FHIP2A: variants seen among roughly 807,000 people sequenced by gnomAD.
FHIP2A encodes the protein family with sequence similarity 160 member B1.
Under a neutral mutation model 93.5 loss-of-function variants are expected in FHIP2A, and 46 were observed. The ratio of observed to expected loss-of-function variants is 0.49; its 90% confidence interval spans 0.39 to 0.63. FHIP2A has a LOEUF of 0.63. Among genes scored for constraint, FHIP2A ranks in the 20% least tolerant of loss-of-function variants. The pLI is 0.00. For missense variants in FHIP2A, 769 were observed against 909.7 expected, an observed-to-expected ratio of 0.85 and a Z score of 1.99; for synonymous variants, 332 against 326.5, an observed-to-expected ratio of 1.02 and a Z score of -0.18.
chr10:114,898,583 G>A (rs983381927), intron 16 of FHIP2A, among the ~76,000 whole-genome samples: 9 of 152,060 alleles, frequency 5.9e-5, no homozygotes, highest in East Asian at 1.9e-4. Context: ...CACTCTCCCC[G>A]ACTCTTAGGT....
At chr10:114,848,804 C>G in intron 13 of FHIP2A, 67 bp downstream of exon 13, 1 of 971,366 alleles carries the variant, frequency 1.0e-6, no homozygotes, top group Non-Finnish European at 1.6e-6. Context: ...CCTTGTCACA[C>G]TGCCCACCAC....
chr10:114,881,811 C>T (rs976240245), intron 16 of FHIP2A, among the ~76,000 whole-genome samples: 2 of 152,188 alleles, frequency 1.3e-5, no homozygotes, highest in Admixed American at 6.5e-5. Context: ...ACTCGCTCTC[C>T]CTACCCTCAA....
Position 114,830,859 on chromosome 10 carries a change from C to G in FHIP2A, c.53C>G (p.Pro18Arg), listed in dbSNP as rs1457635555. Residue 18 changes from proline to arginine, a missense_variant, in exon 2 of 17, where the codon CCT becomes CGT. Transcript: ENST00000369248. The stretch of plus-strand genomic sequence containing the variant: ...GGTCTTTTGTTTGTGTAGCTTGCAC[C>G]TTCTCTTCCTTTACAAGAAGATTTT... ...ILQHAVEALA[P>R]SLPLQEDFVY... 1 of 1,605,998 alleles carries G rather than the reference C, an allele frequency of 6.2e-7. No individual in the cohort carries two copies. The highest frequency in any genetic ancestry group is 2.2e-5 in the East Asian group (1 of 44,610).
chr10:114,864,741 T>C (rs558705272), downstream of FHIP2A: 80 of 963,674 alleles, frequency 8.3e-5, no homozygotes, highest in African/African-American at 1.3e-3. Context: ...TGTAAAATTC[T>C]AATTGGGAAC....
rs576621279 is a variant in FHIP2A at position 114,863,164 on chromosome 10, A to G, written c.*1624A>G. 4 of 978,034 alleles carry G rather than the reference A, an allele frequency of 4.1e-6. No homozygotes were observed. The African/African-American group carries it at 5.3e-5, about 13-fold the overall frequency. 60.6% of individuals were successfully genotyped at this position (978,034 alleles called of 1,614,324 possible). A position where few individuals can be genotyped will look rare whatever the true frequency, so the allele number is the denominator to read the frequency against. On this transcript the variant is annotated 3_prime_UTR_variant, in exon 17 of 17. Transcript: ENST00000369248. ...TCTAAGAAATTTATTAAGTAAAACA[A>G]AGAAAAAACAGAAGTGGGAGATAGT... is the stretch of plus-strand genomic sequence containing the variant.
Position 114,863,923 on chromosome 10 carries a change from T to C in FHIP2A, c.*2383T>C. 21 of 1,072,398 alleles carry C rather than the reference T, an allele frequency of 2.0e-5. No homozygotes were observed. The highest frequency in any genetic ancestry group is 2.4e-5 in the Non-Finnish European group (21 of 881,258). 66.4% of individuals were successfully genotyped at this position (1,072,398 alleles called of 1,614,324 possible). A position where few individuals can be genotyped will look rare whatever the true frequency, so the allele number is the denominator to read the frequency against. On this transcript the variant is annotated 3_prime_UTR_variant, in exon 17 of 17. Coordinates refer to ENST00000369248, the MANE Select transcript of FHIP2A (RefSeq NM_020940.4). Reference sequence around the variant, plus strand: ...TTAAAACTTTCTAACAATATAGTCTTTGGATTTGTTTTTAGTTATGAGCCG... The same window carrying C: ...TTAAAACTTTCTAACAATATAGTCTCTGGATTTGTTTTTAGTTATGAGCCG...
intron 14 of FHIP2A, among the ~76,000 whole-genome samples, chr10:114,856,325 C>A (rs568363467): frequency 2.0e-5 from 3 of 151,558 alleles, no homozygotes; most frequent in Admixed American, 2.0e-4. Flanking sequence ...TAATAGCATT[C>A]GCTGTATTTC....
intron 16 of FHIP2A, among the ~76,000 whole-genome samples, chr10:114,880,626 G>C (rs1592032681): frequency 6.6e-6 from 1 of 151,596 alleles, no homozygotes; most frequent in East Asian, 1.9e-4. Flanking sequence ...GTTGCAGTGA[G>C]CCGAGATCAC....
At chr10:114,884,196 A>C (rs924215165) in intron 16 of FHIP2A, among the ~76,000 whole-genome samples, 2 of 152,166 alleles carry the variant, frequency 1.3e-5, no homozygotes, top group African/African-American at 4.8e-5. Context: ...GAGGAGAATG[A>C]GGGAGATGGG....
chr10:114,875,904 A>AAGTAAG (rs2083885423), intron 16 of FHIP2A, among the ~76,000 whole-genome samples: 2 of 99,154 alleles, frequency 2.0e-5, no homozygotes, highest in African/African-American at 6.1e-5. Context: ...GAAAGAAATA[A>AAGTAAG]AGAAAGAGAA....
chr10:114,846,176 T>G lies in FHIP2A; in HGVS notation c.1207T>G (p.Ser403Ala). ...GVMEPQLMQT[S>A]EMGILTSTAL... Reference sequence around the variant, plus strand: ...TGACTACCTGTTCATTGTGCTCAGTTCTGAGATGGGTATTCTCACATCCAC... The same window carrying G: ...TGACTACCTGTTCATTGTGCTCAGTGCTGAGATGGGTATTCTCACATCCAC... The change falls in exon 10 of 17, where the codon TCT (serine) becomes GCT (alanine). Residue 403 changes from serine (S) to alanine (A), a missense_variant and splice_region_variant. Coordinates refer to ENST00000369248, the MANE Select transcript of FHIP2A (RefSeq NM_020940.4). The G allele has an allele frequency of 6.2e-7, 1 of 1,614,148 alleles. No homozygotes were observed. The highest frequency in any genetic ancestry group is 2.2e-5 in the East Asian group (1 of 44,878).
chr10:114,838,358 C>T (rs921594845), intron 5 of FHIP2A, among the ~76,000 whole-genome samples: 15 of 152,052 alleles, frequency 9.9e-5, no homozygotes, highest in South Asian at 8.3e-4. Flanking sequence ...GTAAGGACTA[C>T]GCATGCCCTT....
chr10:114,865,001 T>TG (rs2083821476), downstream of FHIP2A, among the ~76,000 whole-genome samples: 2 of 133,758 alleles, frequency 1.5e-5, no homozygotes, highest in African/African-American at 5.3e-5. Context: ...AATTTTTTTT[T>TG]TTTTGAGGCA....
At chr10:114,837,950 A>T (rs1004279829) in intron 5 of FHIP2A, among the ~76,000 whole-genome samples, 1 of 152,194 alleles carries the variant, frequency 6.6e-6, no homozygotes, top group Admixed American at 6.5e-5. Flanking sequence ...GTTTTTTACA[A>T]TTGTTAATGA....
At chr10:114,822,181 C>T (rs1359098040) in intron 1 of FHIP2A, 58 bp downstream of exon 1, 10 of 1,114,908 alleles carry the variant, frequency 9.0e-6, no homozygotes, top group Non-Finnish European at 1.0e-5. Context: ...CCTACGCTCC[C>T]CGGCGGCCTC....
rs536188940 is a variant in FHIP2A, at chr10:114,874,326, T to C, written c.2192+12992T>C. On this transcript the variant is annotated intron_variant, in intron 16 of 16. Transcript: ENST00000369250. ...AAAGAAGTTATTCAAAATACAGCTATACACCTGTGCCCCATTACTTATAGC... is the reference window on the plus strand; with the variant it reads ...AAAGAAGTTATTCAAAATACAGCTACACACCTGTGCCCCATTACTTATAGC... Among the ~76,000 whole-genome samples the C allele has an allele frequency of 3.3e-5, 5 of 152,316 alleles. No homozygotes were observed. In the South Asian group the frequency reaches 8.3e-4, roughly 25 times the overall value.
chr10:114,891,742 G>A (rs1056960189), intron 16 of FHIP2A, among the ~76,000 whole-genome samples: 24 of 151,660 alleles, frequency 1.6e-4, no homozygotes, highest in African/African-American at 4.6e-4. Flanking sequence ...TCAGCCTCCC[G>A]AGTAGCTGGG....
At chr10:114,840,186 C>G (rs537077235) in intron 5 of FHIP2A, among the ~76,000 whole-genome samples, 2 of 152,090 alleles carry the variant, frequency 1.3e-5, no homozygotes, top group African/African-American at 4.8e-5. Flanking sequence ...CCCAGGAGTT[C>G]GAGATCAGCC....
In FHIP2A at chr10:114,875,700, AAAAGAAAGAAAGAGAGAG is replaced by A. The variant is rs1437389617; in HGVS notation, c.2192+14398_2192+14415del. Among the ~76,000 whole-genome samples, 740 of 151,710 alleles carry A rather than the reference AAAAGAAAGAAAGAGAGAG, an allele frequency of 4.9e-3. 6 individuals carry two copies. The highest frequency in any genetic ancestry group is 0.016 in the African/African-American group (674 of 41,170). On this transcript the variant is annotated intron_variant, in intron 16 of 16. Transcript: ENST00000369250. ...TTGAGCGAGACTCTGTCGAAAGAAA[AAAAGAAAGAAAGAGAGAG>A]AAAGAAAGAAAGAGAGAGAAAGAAA...
Sources: gnomAD v4.1 joint callset for allele counts (sites outside exome capture counted in the v4.1 genomes callset) on GRCh38, gnomAD v4.1.1 for gene constraint, MANE v1.5 for transcripts, NCBI Gene and HGNC (gene_info 2026-07-23, HGNC 2026-07-21) for gene names.